The following WWOX variants were observed in gnomAD, a reference collection of about 807,000 sequenced individuals.
The protein encoded by WWOX is WW domain-containing oxidoreductase.
WWOX carries 69 observed loss-of-function variants against 46.2 expected under a neutral mutation model. That is an observed-to-expected ratio of 1.49 (90% CI 1.23 to 1.82). WWOX has a LOEUF of 1.82. WWOX is among the 40% of genes most tolerant of loss of function. The pLI is 0.00. For synonymous variants in WWOX, 359 were observed against 202.6 expected (o/e 1.77, Z -6.56); for missense variants, 919 against 542.6 (o/e 1.69, Z -6.89).
chr16:78,497,022 C>T (rs2084934129), intron 8 of WWOX, among the ~76,000 whole-genome samples: 1 of 152,204 alleles, frequency 6.6e-6, no homozygotes, highest in Admixed American at 6.5e-5. Flanking sequence ...TGGAGGAAGG[C>T]AAAGTCAGAA....
intron 7 of WWOX, among the ~76,000 whole-genome samples, chr16:78,426,755 C>A (rs904431527): frequency 6.6e-6 from 1 of 152,148 alleles, no homozygotes; most frequent in African/African-American, 2.4e-5. Flanking sequence ...CTTCAGACTC[C>A]CAGGGTTAAG....
chr16:78,989,821 CGT>C (rs71384389), intron 8 of WWOX, among the ~76,000 whole-genome samples: 2,424 of 136,416 alleles, frequency 0.018, 53 homozygotes, highest in African/African-American at 0.053. Context: ...GGTGTGTGAG[CGT>C]GTGTGTGTGT....
At chr16:78,847,696 T>C (rs1363427425) in intron 8 of WWOX, among the ~76,000 whole-genome samples, 1 of 151,904 alleles carries the variant, frequency 6.6e-6, no homozygotes. Context: ...TTTCTTCTTC[T>C]ATAAGATGGA....
intron 5 of WWOX, among the ~76,000 whole-genome samples, chr16:78,322,708 G>A (rs2080513155): frequency 6.6e-6 from 1 of 152,196 alleles, no homozygotes; most frequent in African/African-American, 2.4e-5. Context: ...TGGAGCAGGG[G>A]CAGGCAAACA....
At chr16:78,367,821 A>G (rs758269049) in intron 5 of WWOX, among the ~76,000 whole-genome samples, 14 of 151,794 alleles carry the variant, frequency 9.2e-5, no homozygotes, top group Non-Finnish European at 1.8e-4. Flanking sequence ...CAGTGGTGCA[A>G]TCTCAGCTCA....
intron 8 of WWOX, among the ~76,000 whole-genome samples, chr16:78,946,801 G>A (rs1250145536): frequency 2.6e-5 from 4 of 152,120 alleles, no homozygotes; most frequent in Admixed American, 2.6e-4. Context: ...TGCAAGACAA[G>A]ATTCTGGCGT....
At chr16:78,678,026 C>G (rs1001906512) in intron 8 of WWOX, among the ~76,000 whole-genome samples, 5 of 152,254 alleles carry the variant, frequency 3.3e-5, no homozygotes, top group African/African-American at 1.2e-4. Context: ...GAATCTCTAC[C>G]CTGCTTTATT....
intron 8 of WWOX, among the ~76,000 whole-genome samples, chr16:79,003,321 G>A (rs748337593): frequency 3.3e-5 from 5 of 152,130 alleles, no homozygotes; most frequent in Non-Finnish European, 5.9e-5. Flanking sequence ...GAACGGGGAC[G>A]TGATCTAACA....
chr16:78,593,338 G>T (rs1048774438), intron 8 of WWOX, among the ~76,000 whole-genome samples: 1 of 152,078 alleles, frequency 6.6e-6, no homozygotes, highest in Non-Finnish European at 1.5e-5. Context: ...ACCATCCCTG[G>T]CCTTGATACT....
At chr16:78,416,890 CAG>C (rs1288948701) in intron 6 of WWOX, among the ~76,000 whole-genome samples, 1 of 152,148 alleles carries the variant, frequency 6.6e-6, no homozygotes, top group African/African-American at 2.4e-5. Context: ...CACAGATTCA[CAG>C]GGGTGAACTA....
At chr16:78,145,492 T>G (rs186109283) in intron 4 of WWOX, among the ~76,000 whole-genome samples, 2 of 152,224 alleles carry the variant, frequency 1.3e-5, no homozygotes, top group East Asian at 1.9e-4. Context: ...GCCGGAAGAC[T>G]CAGCAAGTGT....
chr16:78,686,185 G>A (rs191008879), intron 8 of WWOX, among the ~76,000 whole-genome samples: 1 of 152,208 alleles, frequency 6.6e-6, no homozygotes, highest in African/African-American at 2.4e-5. Context: ...TCAAAGTGTG[G>A]CTCCCAGGCC....
chr16:79,085,115 A>G (rs1484703196), intron 8 of WWOX, among the ~76,000 whole-genome samples: 5 of 152,210 alleles, frequency 3.3e-5, no homozygotes, highest in African/African-American at 7.2e-5. Flanking sequence ...ACATATATAT[A>G]TACAATATAC....
intron 8 of WWOX, among the ~76,000 whole-genome samples, chr16:78,676,665 T>C (rs1387042356): frequency 6.6e-6 from 1 of 152,210 alleles, no homozygotes; most frequent in Non-Finnish European, 1.5e-5. Context: ...ATTAAACAGC[T>C]GAGTGAAGAA....
intron 6 of WWOX, among the ~76,000 whole-genome samples, chr16:78,411,395 A>T (rs911152790): frequency 5.3e-5 from 8 of 152,162 alleles, no homozygotes; most frequent in Admixed American, 2.6e-4. Context: ...TCTTCAGTGA[A>T]ATAATATTTG....
chr16:79,009,150 T>G (rs1309945555), intron 8 of WWOX, among the ~76,000 whole-genome samples: 2 of 152,218 alleles, frequency 1.3e-5, no homozygotes, highest in African/African-American at 2.4e-5. Flanking sequence ...TCTTCCCTGC[T>G]AAAAAGGCCC....
intron 8 of WWOX, among the ~76,000 whole-genome samples, chr16:79,210,236 C>G (rs542678878): frequency 2.0e-4 from 31 of 152,288 alleles, no homozygotes; most frequent in African/African-American, 7.2e-4. Context: ...AAGCTAAAAC[C>G]AAACAACAAT....
chr16:78,243,840 C>G (rs946307320), intron 5 of WWOX, among the ~76,000 whole-genome samples: 1 of 152,220 alleles, frequency 6.6e-6, no homozygotes, highest in African/African-American at 2.4e-5. Context: ...AGCCACCGCA[C>G]CTGGCCTATT....
chr16:78,434,393 C>A (rs2083291812), intron 8 of WWOX, among the ~76,000 whole-genome samples: 1 of 152,294 alleles, frequency 6.6e-6, no homozygotes, highest in African/African-American at 2.4e-5. Flanking sequence ...GCAGCCTCTT[C>A]ATGAAAGTTT....
Sources: gnomAD v4.1 joint callset for allele counts (sites outside exome capture counted in the v4.1 genomes callset) on GRCh38, gnomAD v4.1.1 for gene constraint, MANE v1.5 for transcripts, NCBI Gene and HGNC (gene_info 2026-07-23, HGNC 2026-07-21) for gene names.